CYFIP2: variants seen among roughly 807,000 people sequenced by gnomAD.
CYFIP2 encodes cytoplasmic FMR1-interacting protein 2.
In CYFIP2, 29 loss-of-function variants were observed where a neutral mutation model predicts 158.7. The ratio of observed to expected loss-of-function variants is 0.18; its 90% confidence interval spans 0.14 to 0.25. The LOEUF (loss-of-function observed/expected upper bound fraction) is 0.25, where lower values mean the gene tolerates loss of function less well. CYFIP2 is among the 10% of genes least tolerant of loss of function. CYFIP2 has a pLI of 1.00. For synonymous variants in CYFIP2, 585 were observed against 617.6 expected (o/e 0.95, Z 0.78); for missense variants, 852 against 1,639.5 (o/e 0.52, Z 8.29).
chr5:157,359,017 G>T lies in CYFIP2; in HGVS notation c.2686G>T (p.Ala896Ser), dbSNP rs771916686. 1 of 1,613,946 alleles carries T rather than the reference G, an allele frequency of 6.2e-7. No homozygotes were observed. The highest frequency in any genetic ancestry group is 2.2e-5 in the East Asian group (1 of 44,880). ...YLYGSKPLNI[A>S]YSHIYSSYRN... Reference sequence around the variant, plus strand: ...CTCTGTTTTCCAGCCTCTCAACATTGCCTACAGCCACATCTACAGCTCCTA... The same window carrying T: ...CTCTGTTTTCCAGCCTCTCAACATTTCCTACAGCCACATCTACAGCTCCTA... The change falls in exon 24 of 31, where the codon GCC becomes TCC. Residue 896 changes from alanine to serine, a missense_variant. Transcript: ENST00000620254.
chr5:157,373,274 A>C (rs1765159676), intron 26 of CYFIP2, among the ~76,000 whole-genome samples: 1 of 152,212 alleles, frequency 6.6e-6, no homozygotes, highest in African/African-American at 2.4e-5. Flanking sequence ...GGTTCACTGC[A>C]GGTCTGCATC....
intron 15 of CYFIP2, among the ~76,000 whole-genome samples, chr5:157,323,371 C>T (rs896114274): frequency 7.2e-5 from 11 of 152,130 alleles, no homozygotes; most frequent in African/African-American, 2.4e-4. Flanking sequence ...GGAGGGGGTT[C>T]GTTCTGATCT....
At position 157,361,547 on chromosome 5, in the gene CYFIP2, G is replaced by A. The variant is rs760792442; in HGVS notation, c.2988G>A (p.Leu996=). Residue 996 remains leucine (L), a synonymous_variant, in exon 26 of 31, where the codon CTG becomes CTA. Coordinates refer to ENST00000620254, the MANE Select transcript of CYFIP2 (RefSeq NM_001037333.3). This position sits in a 1 kb window ranked among gnomAD's most constrained non-coding sequence, Gnocchi z 4.4. ...AELKTDVFQS[L]REVGNAILFC... is the part of the protein sequence containing the mutation. ...TCAAAACAGACGTGTTCCAGAGCCT[G>A]AGGGAAGTGGGCAATGCCATCCTCT... 5.0e-6 allele frequency: 8 copies of A among 1,614,104 alleles called. No individual in the cohort carries two copies. Among genetic ancestry groups the A allele is most frequent in the Non-Finnish European group, 6.8e-6 (8 of 1,179,998 alleles).
intron 2 of CYFIP2, among the ~76,000 whole-genome samples, chr5:157,286,233 T>C (rs1757364524): frequency 6.6e-6 from 1 of 152,012 alleles, no homozygotes; most frequent in African/African-American, 2.4e-5. Flanking sequence ...TATACAAATA[T>C]CTTTTTTATT....
chr5:157,369,570 C>T (rs1409148672), intron 26 of CYFIP2, among the ~76,000 whole-genome samples: 1 of 152,200 alleles, frequency 6.6e-6, no homozygotes. Flanking sequence ...TCACCTTCAT[C>T]CAAAGCCAGC....
At chr5:157,386,364 CACA>C (rs1766684779) in intron 28 of CYFIP2, among the ~76,000 whole-genome samples, 1 of 151,754 alleles carries the variant, frequency 6.6e-6, no homozygotes, top group Admixed American at 6.6e-5. Context: ...ATGACAGGCG[CACA>C]ACACCATACC....
intron 26 of CYFIP2, among the ~76,000 whole-genome samples, chr5:157,370,448 A>G (rs1456727991): frequency 2.0e-5 from 3 of 152,256 alleles, no homozygotes; most frequent in East Asian, 1.9e-4. Flanking sequence ...AATACATTCA[A>G]TCAATCAAAA....
intron 28 of CYFIP2, 64 bp from the exon 29 acceptor site, chr5:157,389,125 G>T (rs914687420): frequency 2.0e-5 from 30 of 1,469,896 alleles, no homozygotes; most frequent in Non-Finnish European, 2.8e-5. Flanking sequence ...GGGAATCTGT[G>T]GTGGGAGGTG....
At chr5:157,330,632 T>A in intron 19 of CYFIP2, 110 bp from the exon 20 acceptor site, 1 of 789,314 alleles carries the variant, frequency 1.3e-6, no homozygotes, top group Non-Finnish European at 2.1e-6. Flanking sequence ...TTAAGTTATA[T>A]AAGATAGTGC....
chr5:157,370,148 G>T (rs188709683), intron 26 of CYFIP2, among the ~76,000 whole-genome samples: 1 of 152,230 alleles, frequency 6.6e-6, no homozygotes, highest in East Asian at 1.9e-4. Flanking sequence ...CAAAGTGCTG[G>T]GATTACAGGC....
chr5:157,345,881 C>G (rs112092460), intron 23 of CYFIP2, among the ~76,000 whole-genome samples: 2,527 of 152,322 alleles, frequency 0.017, 97 homozygotes, highest in African/African-American at 0.058. Flanking sequence ...TTCTAACACT[C>G]CTACATTTTC....
intron 21 of CYFIP2, among the ~76,000 whole-genome samples, chr5:157,336,932 C>T (rs1333066552): frequency 6.6e-6 from 1 of 152,206 alleles, no homozygotes; most frequent in South Asian, 2.1e-4. Context: ...GAGAAGTGGA[C>T]CTGTGGTTGC....
chr5:157,361,442 A>G lies in CYFIP2; in HGVS notation c.2909-26A>G, dbSNP rs1192218768. 1.2e-6 allele frequency: 2 copies of G among 1,613,252 alleles called. No individual in the cohort carries two copies. Among genetic ancestry groups the G allele is most frequent in the Admixed American group, 1.7e-5 (1 of 59,978 alleles). On this transcript the variant is annotated intron_variant, in intron 25 of 30. Coordinates refer to ENST00000620254, the MANE Select transcript of CYFIP2 (RefSeq NM_001037333.3). This position sits in a 1 kb window ranked among gnomAD's most constrained non-coding sequence, Gnocchi z 4.4. ...CCCTACTGAGCAGTGTCAACTTCCCACTGACCACCCCGATTCACCTCCCAG... is the reference window on the plus strand; with the variant it reads ...CCCTACTGAGCAGTGTCAACTTCCCGCTGACCACCCCGATTCACCTCCCAG...
intron 23 of CYFIP2, chr5:157,343,045 C>T (rs1158659847): frequency 6.2e-7 from 1 of 1,614,190 alleles, no homozygotes; most frequent in African/African-American, 1.3e-5. Flanking sequence ...GATCCGGGGC[C>T]TCCTCTGGCC....
At position 157,394,869 on chromosome 5, in the gene CYFIP2, G is replaced by C. The variant is rs1767621403; in HGVS notation, c.*1869G>C. Reference sequence around the variant, plus strand: ...CCATAGATGTGTTCCAGAGGCAAAAGAGACACATTATCCCAGATGGCAGAA... The same window carrying C: ...CCATAGATGTGTTCCAGAGGCAAAACAGACACATTATCCCAGATGGCAGAA... On this transcript the variant is annotated 3_prime_UTR_variant, in exon 31 of 31. Transcript: ENST00000620254. 6.6e-6 allele frequency: 1 copy of C among 152,306 alleles called. No individual in the cohort carries two copies. Among genetic ancestry groups the C allele is most frequent in the Non-Finnish European group, 1.5e-5 (1 of 68,126 alleles). 9.4% of individuals were successfully genotyped at this position (152,306 alleles called of 1,614,324 possible).
At chr5:157,392,743 G>T (rs1217067297) in intron 30 of CYFIP2, 90 bp from the exon 31 acceptor site, 2 of 1,392,998 alleles carry the variant, frequency 1.4e-6, no homozygotes, top group East Asian at 2.3e-5. Context: ...TGATGCAGGG[G>T]ACCCTGGACC....
chr5:157,374,233 T>G (rs971722672), intron 26 of CYFIP2, among the ~76,000 whole-genome samples: 12 of 152,184 alleles, frequency 7.9e-5, no homozygotes, highest in Non-Finnish European at 1.6e-4. Context: ...ATGTATGAGG[T>G]GACCCCAGGG....
At chr5:157,375,290 G>T (rs759492509) in intron 26 of CYFIP2, among the ~76,000 whole-genome samples, 13 of 152,296 alleles carry the variant, frequency 8.5e-5, no homozygotes, top group African/African-American at 2.6e-4. Context: ...AAGAAGTATT[G>T]CTCTATTATA....
In CYFIP2 at chr5:157,300,309, G is replaced by A. The variant is rs149674947; in HGVS notation, c.388-406G>A. 2.6e-5 allele frequency among the ~76,000 whole-genome samples: 4 copies of A among 152,118 alleles called. No homozygotes were observed. In the South Asian group the frequency reaches 6.2e-4, roughly 24 times the overall value. Reference sequence around the variant, plus strand: ...CCCAGCACTTTGGGAGGCCGAGGCAGGTGGGTCACAAGGTCACGAGATTGA... The same window carrying A: ...CCCAGCACTTTGGGAGGCCGAGGCAAGTGGGTCACAAGGTCACGAGATTGA... On this transcript the variant is annotated intron_variant, in intron 5 of 30. Coordinates refer to ENST00000620254, the MANE Select transcript of CYFIP2 (RefSeq NM_001037333.3).
Sources: gnomAD v4.1 joint callset for allele counts (sites outside exome capture counted in the v4.1 genomes callset) on GRCh38, gnomAD v4.1.1 for gene constraint, Gnocchi (gnomAD v3.1) non-coding constraint, MANE v1.5 for transcripts, NCBI Gene and HGNC (gene_info 2026-07-23, HGNC 2026-07-21) for gene names.